The following LZTS1 variants were observed in gnomAD, a reference collection of about 807,000 sequenced individuals.
LZTS1 encodes the protein leucine zipper putative tumor suppressor 1.
LZTS1 carries 31 observed loss-of-function variants against 45.8 expected under a neutral mutation model. The observed-to-expected ratio is 0.68, with a 90% CI of 0.51 to 0.91. LZTS1 has a LOEUF of 0.91. Among genes scored for constraint, LZTS1 ranks in the 40% least tolerant of loss-of-function variants. LZTS1 has a pLI of 0.00. For synonymous variants in LZTS1, 359 were observed against 357.3 expected, an observed-to-expected ratio of 1.00 and a Z score of -0.05; for missense variants, 821 against 788.9, an observed-to-expected ratio of 1.04 and a Z score of -0.49.
rs766535717 is a variant in LZTS1, at chr8:20,253,077, T to C, written c.854A>G (p.Glu285Gly). The C allele has an allele frequency of 6.2e-7, 1 of 1,609,330 alleles. No individual in the cohort carries two copies. Among genetic ancestry groups the C allele is most frequent in the Admixed American group, 1.7e-5 (1 of 59,972 alleles). Residue 285 changes from glutamate to glycine, a missense_variant, in exon 3 of 4, where the codon GAG becomes GGG. Physicochemically the swap from Glu to Gly is moderately conservative, Grantham distance 98. Transcript: ENST00000381569. ...CAGGCTGGAGGCAAGCTCCTTCTCC[T>C]CAAAGCTGCGCTGCAGCTTCTGGAG... The part of the protein sequence containing the change: ...GALQKLQRSF[E>G]EKELASSLAY...
At chr8:20,291,406 G>A (rs1164603047) in intron 1 of LZTS1, among the ~76,000 whole-genome samples, 1 of 152,214 alleles carries the variant, frequency 6.6e-6, no homozygotes, top group Admixed American at 6.5e-5. Context: ...CTTTGGAACT[G>A]AGGGGAAGAG....
intron 1 of LZTS1, among the ~76,000 whole-genome samples, chr8:20,257,218 G>A (rs1303839108): frequency 6.6e-6 from 1 of 152,088 alleles, no homozygotes; most frequent in Non-Finnish European, 1.5e-5. Flanking sequence ...AGGCAAATTG[G>A]GCATGGTGGC....
chr8:20,292,135 G>C (rs1268398760), intron 1 of LZTS1, among the ~76,000 whole-genome samples: 2 of 152,370 alleles, frequency 1.3e-5, no homozygotes, highest in Admixed American at 1.3e-4. Flanking sequence ...GAAAACGCCT[G>C]AGCGGGTACC....
chr8:20,301,034 C>T (rs1343041915), intron 1 of LZTS1, among the ~76,000 whole-genome samples: 2 of 149,960 alleles, frequency 1.3e-5, no homozygotes, highest in East Asian at 4.0e-4. Context: ...GGCAGGAGAA[C>T]TGCTTGAACC....
rs1016548311 is a variant in LZTS1 at position 20,261,847 on chromosome 8, G to C, written c.-134-6532C>G. ...TCCTCTGCCGCCATGCAGTGAGCAGGGGTCACTCCCCCAGCCGGAGATGTT... is the reference window on the plus strand; with the variant it reads ...TCCTCTGCCGCCATGCAGTGAGCAGCGGTCACTCCCCCAGCCGGAGATGTT... On this transcript the variant is annotated intron_variant, in intron 1 of 3. Coordinates refer to ENST00000381569, the MANE Select transcript of LZTS1 (RefSeq NM_021020.5). Among the ~76,000 whole-genome samples, 3 of 152,182 alleles carry C rather than the reference G, an allele frequency of 2.0e-5. No homozygotes were observed. In the East Asian group the frequency reaches 5.8e-4, roughly 29 times the overall value.
rs1799742727 is a variant in LZTS1, at chr8:20,246,857, AG to A, written c.*2864del. On this transcript the variant is annotated 3_prime_UTR_variant, in exon 4 of 4. Coordinates refer to ENST00000381569, the MANE Select transcript of LZTS1 (RefSeq NM_021020.5). The stretch of plus-strand genomic sequence containing the variant: ...CGAGTGGGTCAGTGGGTCGGCCAGC[AG>A]GCGTGCCCAGAGGGAAGGGCAGGAA... 1 of 152,360 alleles carries A rather than the reference AG, an allele frequency of 6.6e-6. No individual in the cohort carries two copies. Among genetic ancestry groups the A allele is most frequent in the African/African-American group, 2.4e-5 (1 of 41,388 alleles). The allele number at this position is 152,360 out of a possible 1,614,324, so 9.4% of individuals were successfully genotyped here.
At chr8:20,252,224 G>A (rs1456609459) in intron 3 of LZTS1, among the ~76,000 whole-genome samples, 1 of 152,152 alleles carries the variant, frequency 6.6e-6, no homozygotes, top group African/African-American at 2.4e-5. Flanking sequence ...AAGTGTGTGA[G>A]TGGGGGACTC....
chr8:20,259,869 C>T (rs2128894035), intron 1 of LZTS1, among the ~76,000 whole-genome samples: 1 of 145,004 alleles, frequency 6.9e-6, no homozygotes, highest in South Asian at 2.3e-4. Context: ...AAGGCTTGCT[C>T]TCACCTGTAC....
intron 1 of LZTS1, among the ~76,000 whole-genome samples, chr8:20,274,408 C>A (rs1161600286): frequency 6.6e-5 from 10 of 152,178 alleles, no homozygotes; most frequent in Non-Finnish European, 1.3e-4. Context: ...CCTAGGGAAC[C>A]CCTTGGAATA....
rs1214635155 is a variant in LZTS1, at chr8:20,246,955, A to C, written c.*2767T>G. Reference sequence around the variant, plus strand: ...TCTGCTGTCCAGAGCCTCTTTCCAGAGAGGCAGAATCTGGCATGGTCCAAG... The same window carrying C: ...TCTGCTGTCCAGAGCCTCTTTCCAGCGAGGCAGAATCTGGCATGGTCCAAG... On this transcript the variant is annotated 3_prime_UTR_variant, in exon 4 of 4. Coordinates refer to ENST00000381569, the MANE Select transcript of LZTS1 (RefSeq NM_021020.5). The C allele has an allele frequency of 6.6e-6, 1 of 152,250 alleles. No individual in the cohort carries two copies. The highest frequency in any genetic ancestry group is 1.5e-5 in the Non-Finnish European group (1 of 68,088). The allele number at this position is 152,250 out of a possible 1,614,324, so 9.4% of individuals were successfully genotyped here. A position where few individuals can be genotyped will look rare whatever the true frequency, so the allele number is the denominator to read the frequency against.
Position 20,252,826 on chromosome 8 carries a change from C to T in LZTS1, c.1105G>A (p.Glu369Lys). ...LETKLRSYER[E>K]KTSFGPALEE... Reference sequence around the variant, plus strand: ...AGCGCGGGGCCGAAGCTGGTCTTCTCCCTCTCGTAGGACCTGAGCTTGGTC... The same window carrying T: ...AGCGCGGGGCCGAAGCTGGTCTTCTTCCTCTCGTAGGACCTGAGCTTGGTC... The change falls in exon 3 of 4, where the codon GAG becomes AAG. Residue 369 changes from glutamate (E) to lysine (K), a missense_variant. By Grantham distance (56) the Glu-to-Lys change is moderately conservative. Transcript: ENST00000381569. 6.4e-7 allele frequency: 1 copy of T among 1,553,058 alleles called. No homozygotes were observed. The highest frequency in any genetic ancestry group is 8.7e-7 in the Non-Finnish European group (1 of 1,149,310).
chr8:20,250,397 A>G (rs766350793), intron 3 of LZTS1, 34 bp from the exon 4 acceptor site: 7 of 1,546,710 alleles, frequency 4.5e-6, no homozygotes, highest in South Asian at 1.2e-5. Context: ...GAGTGCCAAG[A>G]GGTGAGTGTC....
At chr8:20,267,557 C>T (rs1038486771) in intron 1 of LZTS1, among the ~76,000 whole-genome samples, 3 of 152,164 alleles carry the variant, frequency 2.0e-5, no homozygotes, top group African/African-American at 7.2e-5. Context: ...CACTCTGTCG[C>T]CAGGCTGGAG....
intron 1 of LZTS1, among the ~76,000 whole-genome samples, chr8:20,280,417 C>A (rs1210365333): frequency 6.6e-6 from 1 of 152,090 alleles, no homozygotes; most frequent in Non-Finnish European, 1.5e-5. Context: ...TGTGAAAGGC[C>A]CCCTTACAAC....
At chr8:20,254,250 T>A (rs1800029042) in intron 2 of LZTS1, among the ~76,000 whole-genome samples, 1 of 152,304 alleles carries the variant, frequency 6.6e-6, no homozygotes, top group Non-Finnish European at 1.5e-5. Context: ...CACGAGGGCT[T>A]GAGCTGGTGT....
At position 20,253,190 on chromosome 8, in the gene LZTS1, C is replaced by T; in HGVS notation, c.741G>A (p.Lys247=). 1 of 1,613,626 alleles carries T rather than the reference C, an allele frequency of 6.2e-7. No homozygotes were observed. The highest frequency in any genetic ancestry group is 8.5e-7 in the Non-Finnish European group (1 of 1,180,022). ...SKLGHSNKAD[K]GPSCVRSPIS... is the part of the protein sequence containing the mutation. ...TGGGGGAGCGGACACACGAGGGGCC[C>T]TTGTCTGCCTTGTTCGAGTGGCCCA... The change falls in exon 3 of 4, where the codon AAG becomes AAA. Residue 247 remains lysine, a synonymous_variant. Transcript: ENST00000381569.
chr8:20,284,943 C>T (rs1159957095), intron 1 of LZTS1, among the ~76,000 whole-genome samples: 3 of 152,136 alleles, frequency 2.0e-5, no homozygotes, highest in Non-Finnish European at 4.4e-5. Context: ...AGGCTGTGAT[C>T]GAAACTGATC....
chr8:20,299,836 CA>C (rs1429997845), intron 1 of LZTS1, among the ~76,000 whole-genome samples: 3 of 152,194 alleles, frequency 2.0e-5, no homozygotes, highest in African/African-American at 7.2e-5. Context: ...TGTAGCAGCA[CA>C]AAGATCTATT....
chr8:20,268,067 T>G (rs1800396311), intron 1 of LZTS1, among the ~76,000 whole-genome samples: 2 of 152,254 alleles, frequency 1.3e-5, no homozygotes, highest in Middle Eastern at 3.4e-3. Context: ...CCAAAGTGCA[T>G]GTGAAATTAT....
Sources: allele counts gnomAD v4.1 joint callset (sites outside exome capture counted in the v4.1 genomes callset), GRCh38; gene constraint gnomAD v4.1.1; transcripts MANE v1.5; gene names NCBI Gene and HGNC (gene_info 2026-07-23, HGNC 2026-07-21).